Variants in CENPC observed in about 807,000 individuals in gnomAD.
CENPC encodes CENP-C 1.
CENPC carries 63 observed loss-of-function variants against 112.1 expected under a neutral mutation model. That is an observed-to-expected ratio of 0.56 (90% confidence interval 0.46 to 0.69). The LOEUF is 0.69. Among genes scored for constraint, CENPC ranks in the 30% least tolerant of loss-of-function variants. CENPC has a pLI of 0.00. For synonymous variants in CENPC, 333 were observed against 367.6 expected (o/e 0.91, Z 1.08); for missense variants, 1,000 against 1,103.8 (o/e 0.91, Z 1.33).
intron 17 of CENPC, among the ~76,000 whole-genome samples, chr4:67,485,731 T>C (rs1216159528): frequency 2.0e-5 from 3 of 152,236 alleles, no homozygotes; most frequent in Non-Finnish European, 4.4e-5. Flanking sequence ...CTAGCACTTA[T>C]ATAGCACTTA....
At chr4:67,488,397 T>C (rs577586382) in intron 17 of CENPC, among the ~76,000 whole-genome samples, 29 of 152,118 alleles carry the variant, frequency 1.9e-4, no homozygotes, top group African/African-American at 6.5e-4. Context: ...GCAATTACCA[T>C]CAATGATTCA....
At chr4:67,491,511 A>AGAGAGAGAGAGAGAGAGAGG (rs1553893243) in intron 16 of CENPC, among the ~76,000 whole-genome samples, 5 of 114,566 alleles carry the variant, frequency 4.4e-5, no homozygotes, top group East Asian at 5.5e-4. Context: ...AGAGAGAGAG[A>AGAGAGAGAGAGAGAGAGAGG]GAGAGAGAGA....
In CENPC at chr4:67,508,943, T is replaced by C. The variant is rs1725813415; in HGVS notation, c.1775A>G (p.Gln592Arg). Residue 592 changes from glutamine (Q) to arginine (R), a missense_variant, in exon 10 of 19, where the codon CAG becomes CGG. Physicochemically the swap from Gln to Arg is conservative, Grantham distance 43. Coordinates refer to ENST00000273853, the MANE Select transcript of CENPC (RefSeq NM_001812.4). Reference protein sequence around the residue: ...KTATKGNQRVQKFLNAEGSGG... With the variant: ...KTATKGNQRVRKFLNAEGSGG... ...AGAACCTTCAGCATTTAAAAACTTC[T>C]GTACTCTTTGGTTGCCTTTAGTTGC... is the stretch of plus-strand genomic sequence containing the variant. The C allele has an allele frequency of 6.2e-7, 1 of 1,613,732 alleles. No individual in the cohort carries two copies. Among genetic ancestry groups the C allele is most frequent in the Non-Finnish European group, 8.5e-7 (1 of 1,179,752 alleles).
chr4:67,512,712 A>G (rs980877263), intron 8 of CENPC, 143 bp from the exon 9 acceptor site: 6 of 590,496 alleles, frequency 1.0e-5, no homozygotes, highest in Middle Eastern at 4.4e-4. Flanking sequence ...TAAAAGTCAC[A>G]TGTTCTCTTT....
At chr4:67,503,650 CA>C (rs36032688) in intron 12 of CENPC, among the ~76,000 whole-genome samples, 5 of 151,638 alleles carry the variant, frequency 3.3e-5, no homozygotes, top group African/African-American at 9.7e-5. Flanking sequence ...AAAGTATATT[CA>C]AAAAAATATA....
intron 5 of CENPC, among the ~76,000 whole-genome samples, chr4:67,530,454 T>C (rs17554964): frequency 0.24 from 35,806 of 151,394 alleles, 4,564 homozygotes; most frequent in Non-Finnish European, 0.29. Flanking sequence ...TGGGCACCAA[T>C]TAAGGTACAG....
intron 12 of CENPC, among the ~76,000 whole-genome samples, chr4:67,502,249 A>G (rs1349855436): frequency 6.6e-5 from 10 of 152,100 alleles, no homozygotes; most frequent in Non-Finnish European, 1.2e-4. Flanking sequence ...CTTTACAAAG[A>G]AGTAACAAGT....
At chr4:67,490,552 AG>A (rs1725212383) in intron 16 of CENPC, among the ~76,000 whole-genome samples, 2 of 152,076 alleles carry the variant, frequency 1.3e-5, no homozygotes, top group South Asian at 2.1e-4. Context: ...GATAAAAAAA[AG>A]AATTCTCTAT....
In CENPC at chr4:67,545,479, G is replaced by A. The variant is rs1042588787; in HGVS notation, c.-124C>T. 3.3e-5 allele frequency: 33 copies of A among 992,828 alleles called. No homozygotes were observed. Among genetic ancestry groups the A allele is most frequent in the Non-Finnish European group, 4.2e-5 (31 of 735,384 alleles). 61.5% of individuals were successfully genotyped at this position (992,828 alleles called of 1,614,324 possible). ...GGCCGCGGCCAAGCAATAACCTTAAGTCTCAGGCGACTGCCGCGAGAGCTG... is the reference window on the plus strand; with the variant it reads ...GGCCGCGGCCAAGCAATAACCTTAAATCTCAGGCGACTGCCGCGAGAGCTG... On this transcript the variant is annotated 5_prime_UTR_variant, in exon 1 of 19. Coordinates refer to ENST00000273853, the MANE Select transcript of CENPC (RefSeq NM_001812.4).
intron 9 of CENPC, among the ~76,000 whole-genome samples, chr4:67,509,583 C>T (rs989973817): frequency 6.6e-6 from 1 of 152,146 alleles, no homozygotes; most frequent in Non-Finnish European, 1.5e-5. Flanking sequence ...AATACAACTA[C>T]CTATTCTATC....
intron 4 of CENPC, among the ~76,000 whole-genome samples, chr4:67,538,124 A>G: frequency 6.6e-6 from 1 of 152,212 alleles, no homozygotes; most frequent in Non-Finnish European, 1.5e-5. Flanking sequence ...CAGAGAAAAT[A>G]CTGAACAACT....
At chr4:67,514,833 T>A (rs1161805698) in intron 7 of CENPC, 146 bp from the exon 8 acceptor site, 2 of 800,600 alleles carry the variant, frequency 2.5e-6, no homozygotes, top group Non-Finnish European at 1.9e-6. Context: ...TACAAATCTT[T>A]CCCTCCTTTC....
intron 3 of CENPC, 57 bp downstream of exon 3, chr4:67,540,923 C>T: frequency 8.6e-7 from 1 of 1,166,290 alleles, no homozygotes; most frequent in Non-Finnish European, 1.3e-6. Context: ...ATTACCATGA[C>T]AAATTCATAT....
intron 4 of CENPC, among the ~76,000 whole-genome samples, chr4:67,534,540 T>C (rs1726659462): frequency 6.6e-6 from 1 of 152,218 alleles, no homozygotes; most frequent in Non-Finnish European, 1.5e-5. Context: ...GGGCAATACA[T>C]GAAAACCAGA....
intron 17 of CENPC, among the ~76,000 whole-genome samples, chr4:67,479,432 A>G (rs1724894675): frequency 6.6e-6 from 1 of 152,178 alleles, no homozygotes; most frequent in South Asian, 2.1e-4. Context: ...CTCAAAACCA[A>G]GCAAATAGAT....
intron 12 of CENPC, among the ~76,000 whole-genome samples, chr4:67,496,947 G>C (rs1725448965): frequency 1.6e-5 from 2 of 127,068 alleles, no homozygotes; most frequent in Admixed American, 2.2e-4. Context: ...AACAAGTAGA[G>C]GTCTCATCTC....
At chr4:67,529,213 T>C (rs1283331870) in intron 5 of CENPC, among the ~76,000 whole-genome samples, 1 of 152,224 alleles carries the variant, frequency 6.6e-6, no homozygotes, top group African/African-American at 2.4e-5. Context: ...AAGTTCTTTA[T>C]ATATTCTGAT....
At chr4:67,504,099 A>AC (rs1449032755) in intron 12 of CENPC, among the ~76,000 whole-genome samples, 2 of 149,192 alleles carry the variant, frequency 1.3e-5, no homozygotes, top group Non-Finnish European at 3.0e-5. Flanking sequence ...GGGCAAAAAA[A>AC]AAAAAAAAAA....
At chr4:67,506,955 T>G (rs1340724587) in intron 10 of CENPC, 21 bp from the exon 11 acceptor site, 1 of 1,577,646 alleles carries the variant, frequency 6.3e-7, no homozygotes, top group Non-Finnish European at 8.6e-7. Context: ...GATAAATGTA[T>G]GAGTGTTTAT....
Sources: allele counts gnomAD v4.1 joint callset (sites outside exome capture counted in the v4.1 genomes callset), GRCh38; gene constraint gnomAD v4.1.1; transcripts MANE v1.5; gene names NCBI Gene and HGNC (gene_info 2026-07-23, HGNC 2026-07-21).